The following DCDC2C variants were observed in gnomAD, a reference collection of about 807,000 sequenced individuals.
DCDC2C encodes doublecortin domain-containing protein 2C.
Under a neutral mutation model 45.0 loss-of-function variants are expected in DCDC2C, and 44 were observed. The observed-to-expected ratio is 0.98, with a 90% CI of 0.77 to 1.26. The LOEUF is 1.26. Among genes scored for constraint, DCDC2C ranks in the 50% most tolerant of loss-of-function variants. The probability of loss-of-function intolerance (pLI) is 0.00; values close to 1 mark genes in which losing one functional copy is unlikely to be tolerated. For synonymous variants in DCDC2C, 187 were observed against 178.8 expected, an observed-to-expected ratio of 1.05 and a Z score of -0.37; for missense variants, 447 against 468.9, an observed-to-expected ratio of 0.95 and a Z score of 0.43.
intron 2 of DCDC2C, among the ~76,000 whole-genome samples, chr2:3,721,461 G>C (rs1304985862): frequency 2.0e-5 from 3 of 152,146 alleles, no homozygotes; most frequent in African/African-American, 7.2e-5. Flanking sequence ...CTTTTAGTTG[G>C]ATATTTTGTG....
At chr2:3,811,188 G>C (rs563625040) in intron 10 of DCDC2C, among the ~76,000 whole-genome samples, 5 of 152,110 alleles carry the variant, frequency 3.3e-5, no homozygotes, top group Middle Eastern at 3.2e-3. Flanking sequence ...CCATTTTCAC[G>C]ATATTGATTC....
At chr2:3,735,002 C>T (rs1337885015) in intron 3 of DCDC2C, among the ~76,000 whole-genome samples, 1 of 152,138 alleles carries the variant, frequency 6.6e-6, no homozygotes, top group Non-Finnish European at 1.5e-5. Context: ...TCCCACAAGA[C>T]CCCCACTTTC....
intron 10 of DCDC2C, among the ~76,000 whole-genome samples, chr2:3,832,224 C>A (rs556011550): frequency 6.6e-6 from 1 of 152,328 alleles, no homozygotes; most frequent in African/African-American, 2.4e-5. Context: ...AATTTCCCAG[C>A]AAATTTCATA....
In DCDC2C at chr2:3,808,967, A is replaced by G. The variant is rs576065606; in HGVS notation, c.1065+23867A>G. Reference sequence around the variant, plus strand: ...GAGGATTTTTTTTTAAATTTTGCATATGAATTTCTGATTGTTCTTGTACCT... The same window carrying G: ...GAGGATTTTTTTTTAAATTTTGCATGTGAATTTCTGATTGTTCTTGTACCT... On this transcript the variant is annotated intron_variant, in intron 10 of 10. Transcript: ENST00000399143. Among the ~76,000 whole-genome samples, 3 of 152,238 alleles carry G rather than the reference A, an allele frequency of 2.0e-5. No homozygotes were observed. The South Asian group carries it at 6.2e-4, about 32-fold the overall frequency.
intron 10 of DCDC2C, among the ~76,000 whole-genome samples, chr2:3,790,907 G>T (rs368771531): frequency 2.0e-5 from 3 of 152,260 alleles, no homozygotes; most frequent in East Asian, 3.9e-4. Context: ...AGGAGATCGA[G>T]ACCATCCTGG....
At chr2:3,779,397 C>T (rs1372840808) in intron 9 of DCDC2C, among the ~76,000 whole-genome samples, 1 of 152,218 alleles carries the variant, frequency 6.6e-6, no homozygotes, top group Non-Finnish European at 1.5e-5. Flanking sequence ...GCTCGGTCTT[C>T]TTCCTATCTG....
intron 10 of DCDC2C, among the ~76,000 whole-genome samples, chr2:3,820,729 G>C (rs149230005): frequency 0.011 from 1,641 of 152,282 alleles, 40 homozygotes; most frequent in African/African-American, 0.037. Flanking sequence ...TAGCAAGAGA[G>C]GGAGATTGAA....
intron 1 of DCDC2C, among the ~76,000 whole-genome samples, chr2:3,706,446 A>C (rs1390590501): frequency 6.6e-6 from 1 of 152,246 alleles, no homozygotes; most frequent in Non-Finnish European, 1.5e-5. Context: ...TTTCAAAACA[A>C]TGACGTGTCA....
chr2:3,754,541 T>C (rs1374076752), intron 5 of DCDC2C, 51 bp from the exon 6 acceptor site: 1 of 1,537,096 alleles, frequency 6.5e-7, no homozygotes, highest in African/African-American at 1.4e-5. Context: ...TTTATAGAGA[T>C]AACTTAGGGC....
chr2:3,788,781 C>CCTTT (rs1443745606), intron 10 of DCDC2C, among the ~76,000 whole-genome samples: 2 of 94,830 alleles, frequency 2.1e-5, no homozygotes, highest in African/African-American at 8.1e-5. Flanking sequence ...CTTCCGTTTC[C>CCTTT]CTTTCTTCCT....
intron 10 of DCDC2C, among the ~76,000 whole-genome samples, chr2:3,813,061 ATATATATTTTTTT>A: frequency 3.5e-5 from 1 of 28,694 alleles, no homozygotes; most frequent in African/African-American, 1.9e-4. Context: ...ATATATATAT[ATATATATTTTTTT>A]TTTTTTGCTG....
intron 3 of DCDC2C, among the ~76,000 whole-genome samples, chr2:3,741,556 A>AC (rs1244931468): frequency 6.6e-6 from 1 of 151,978 alleles, no homozygotes; most frequent in African/African-American, 2.4e-5. Flanking sequence ...AGCGAGCCAC[A>AC]CCCCCATCTC....
At chr2:3,815,299 G>C (rs1671527470) in intron 10 of DCDC2C, among the ~76,000 whole-genome samples, 1 of 152,214 alleles carries the variant, frequency 6.6e-6, no homozygotes. Flanking sequence ...GCCCTGTGTG[G>C]CTCTCAGGTG....
rs549957162 is a variant in DCDC2C at position 3,717,123 on chromosome 2, T to C, written c.339+8523T>C. ...TCATTGCCTGTCTTTTGAACACTGC[T>C]GTTTTGTAGGGTGCTCTCCAATTCA... On this transcript the variant is annotated intron_variant, in intron 2 of 10. Coordinates refer to ENST00000399143, the MANE Select transcript of DCDC2C (RefSeq NM_001287444.2). Among the ~76,000 whole-genome samples the C allele has an allele frequency of 4.6e-5, 7 of 152,294 alleles. No homozygotes were observed. In the East Asian group the frequency reaches 1.4e-3, roughly 29 times the overall value.
chr2:3,837,028 C>T (rs1404849095), intron 10 of DCDC2C, among the ~76,000 whole-genome samples: 3 of 152,192 alleles, frequency 2.0e-5, no homozygotes, highest in African/African-American at 7.2e-5. Flanking sequence ...CTGCTGTCTA[C>T]AGAGCGGAGG....
intron 3 of DCDC2C, 99 bp from the exon 4 acceptor site, chr2:3,741,821 A>T: frequency 7.7e-7 from 1 of 1,300,920 alleles, no homozygotes; most frequent in South Asian, 1.6e-5. Context: ...AGTGCATCTC[A>T]TTGTTTTTAC....
chr2:3,716,616 ACAT>A (rs1668357173), intron 2 of DCDC2C, among the ~76,000 whole-genome samples: 2 of 152,316 alleles, frequency 1.3e-5, no homozygotes, highest in South Asian at 4.1e-4. Flanking sequence ...CTAAGAAGTG[ACAT>A]CATGTACGTG....
At chr2:3,708,488 C>A in intron 1 of DCDC2C, 61 bp from the exon 2 acceptor site, 3 of 1,351,424 alleles carry the variant, frequency 2.2e-6, no homozygotes, top group South Asian at 1.3e-5. Flanking sequence ...TCTAAGGAGT[C>A]TGGAACTTTC....
At chr2:3,766,310 GCA>G (rs61471003) in intron 6 of DCDC2C, among the ~76,000 whole-genome samples, 169 of 145,410 alleles carry the variant, frequency 1.2e-3, no homozygotes, top group African/African-American at 1.6e-3. Context: ...ACACACACAC[GCA>G]CACACACACA....
Sources: allele counts gnomAD v4.1 joint callset (sites outside exome capture counted in the v4.1 genomes callset), GRCh38; gene constraint gnomAD v4.1.1; transcripts MANE v1.5; gene names NCBI Gene and HGNC (gene_info 2026-07-23, HGNC 2026-07-21).